SRGAP3: variants seen among roughly 807,000 people sequenced by gnomAD.
The protein encoded by SRGAP3 is SLIT-ROBO Rho GTPase activating protein 3.
Under a neutral mutation model 121.1 loss-of-function variants are expected in SRGAP3, and 39 were observed. The observed-to-expected ratio is 0.32, with a 90% CI of 0.25 to 0.42. The LOEUF (loss-of-function observed/expected upper bound fraction) is 0.42. SRGAP3 is among the 10% of genes least tolerant of loss of function. The pLI is 1.00. For missense variants in SRGAP3, 1,213 were observed against 1,470.6 expected (o/e 0.82, Z 2.86); for synonymous variants, 601 against 570.0 (o/e 1.05, Z -0.77).
intron 14 of SRGAP3, among the ~76,000 whole-genome samples, chr3:9,021,496 C>T (rs1374063480): frequency 6.6e-6 from 1 of 151,746 alleles, no homozygotes. Flanking sequence ...TTAAGATTTA[C>T]TGACGACAAC....
At chr3:9,276,592 A>T (rs893272513) in intron 3 of SRGAP3, among the ~76,000 whole-genome samples, 4 of 151,974 alleles carry the variant, frequency 2.6e-5, no homozygotes, top group African/African-American at 7.2e-5. Flanking sequence ...CACCTGGCTA[A>T]TTTTTTGTAT....
intron 1 of SRGAP3, among the ~76,000 whole-genome samples, chr3:9,343,732 A>T (rs1228251317): frequency 6.6e-6 from 1 of 152,204 alleles, no homozygotes; most frequent in Non-Finnish European, 1.5e-5. Context: ...GTGCAGACAC[A>T]CAATAATGGC....
intron 3 of SRGAP3, among the ~76,000 whole-genome samples, chr3:9,322,801 T>A (rs1292908615): frequency 6.6e-6 from 1 of 151,696 alleles, no homozygotes; most frequent in African/African-American, 2.4e-5. Flanking sequence ...AGTAAAAAAT[T>A]GTTTACATAC....
intron 1 of SRGAP3, among the ~76,000 whole-genome samples, chr3:9,356,201 T>C (rs1330756490): frequency 4.1e-5 from 6 of 144,588 alleles, no homozygotes; most frequent in South Asian, 2.2e-4. Context: ...TCTTTTTTTT[T>C]TTTTTTTTTT....
chr3:9,146,997 T>A (rs1258839542), intron 1 of SRGAP3, among the ~76,000 whole-genome samples: 3 of 152,134 alleles, frequency 2.0e-5, no homozygotes, highest in African/African-American at 7.2e-5. Context: ...ACCAGAGACG[T>A]GTGGGATGTG....
intron 3 of SRGAP3, 114 bp from the exon 4 acceptor site, chr3:9,080,201 A>C: frequency 1.1e-6 from 1 of 930,196 alleles, no homozygotes; most frequent in Non-Finnish European, 1.7e-6. Context: ...GAAGGGGTAC[A>C]GAAATCAGCA....
At chr3:9,225,295 C>T (rs1310643286) in intron 1 of SRGAP3, among the ~76,000 whole-genome samples, 1 of 152,156 alleles carries the variant, frequency 6.6e-6, no homozygotes, top group Non-Finnish European at 1.5e-5. Context: ...CCCAACACCA[C>T]CTTCTCAGGG....
chr3:9,361,628 G>A (rs897833479), intron 1 of SRGAP3, among the ~76,000 whole-genome samples: 3 of 152,036 alleles, frequency 2.0e-5, no homozygotes, highest in Non-Finnish European at 4.4e-5. Flanking sequence ...ATGGGAAGTC[G>A]GACACACCTC....
intron 3 of SRGAP3, among the ~76,000 whole-genome samples, chr3:9,260,963 T>C (rs1954241822): frequency 6.6e-6 from 1 of 152,178 alleles, no homozygotes; most frequent in African/African-American, 2.4e-5. Flanking sequence ...CCAGCTGGCA[T>C]CTGGCGGGTG....
chr3:9,289,734 G>C (rs1056214788), intron 3 of SRGAP3, among the ~76,000 whole-genome samples: 1 of 152,120 alleles, frequency 6.6e-6, no homozygotes, highest in East Asian at 1.9e-4. Context: ...GGTCCTATTA[G>C]ACCCTTACCT....
intron 1 of SRGAP3, among the ~76,000 whole-genome samples, chr3:9,185,271 C>A (rs530985203): frequency 4.1e-4 from 63 of 152,290 alleles, no homozygotes; most frequent in Non-Finnish European, 8.8e-4. Flanking sequence ...CCATGCAAGG[C>A]CTCTTCCACA....
At chr3:9,151,198 G>A (rs761909946) in intron 1 of SRGAP3, among the ~76,000 whole-genome samples, 1 of 152,212 alleles carries the variant, frequency 6.6e-6, no homozygotes, top group Non-Finnish European at 1.5e-5. Flanking sequence ...ATATCTGGCT[G>A]AGCACATCAG....
intron 18 of SRGAP3, among the ~76,000 whole-genome samples, chr3:9,004,259 T>C (rs1312434431): frequency 6.6e-6 from 1 of 152,140 alleles, no homozygotes; most frequent in African/African-American, 2.4e-5. Flanking sequence ...AAATCATTGT[T>C]GAAAAAAATT....
At position 9,201,269 on chromosome 3, in the gene SRGAP3, T is replaced by C. The variant is rs2125157616; in HGVS notation, c.67+47616A>G. Among the ~76,000 whole-genome samples the C allele has an allele frequency of 1.3e-5, 2 of 151,976 alleles. 1 individual carries two copies. The highest frequency in any genetic ancestry group is 6.8e-3 in the Middle Eastern group (2 of 294). ...GCTGGCACCCCCAGCCCCCAAGACC[T>C]CAGGTGAGGAAAAGGGACTGTAAGC... On this transcript the variant is annotated intron_variant, in intron 1 of 21. Transcript: ENST00000383836.
chr3:9,031,061 C>T (rs7647480), intron 12 of SRGAP3, among the ~76,000 whole-genome samples: 12,428 of 152,206 alleles, frequency 0.082, 796 homozygotes, highest in East Asian at 0.36. Flanking sequence ...GCCATCCTCC[C>T]ACCTCAGCCT....
chr3:9,107,153 CTTATAGCCT>C, intron 2 of SRGAP3, among the ~76,000 whole-genome samples: 1 of 152,338 alleles, frequency 6.6e-6, no homozygotes, highest in South Asian at 2.1e-4. Flanking sequence ...TTCTCCTTGG[CTTATAGCCT>C]AGAGTAAAAG....
At chr3:9,328,934 A>G (rs1490287863) in intron 2 of SRGAP3, among the ~76,000 whole-genome samples, 1 of 152,176 alleles carries the variant, frequency 6.6e-6, no homozygotes, top group Non-Finnish European at 1.5e-5. Flanking sequence ...AGACCAAGAG[A>G]AAGTACTGCC....
intron 1 of SRGAP3, among the ~76,000 whole-genome samples, chr3:9,224,861 T>C (rs1386372901): frequency 6.6e-6 from 1 of 152,028 alleles, no homozygotes; most frequent in Non-Finnish European, 1.5e-5. Flanking sequence ...CTATAGGTTG[T>C]GAAGGTCTAG....
intron 3 of SRGAP3, among the ~76,000 whole-genome samples, chr3:9,306,964 C>T (rs1027491742): frequency 1.3e-5 from 2 of 152,080 alleles, no homozygotes; most frequent in South Asian, 2.1e-4. Context: ...GCTCTTTACA[C>T]ACTTGTATGA....
Sources: gnomAD v4.1 joint callset for allele counts (sites outside exome capture counted in the v4.1 genomes callset) on GRCh38, gnomAD v4.1.1 for gene constraint, MANE v1.5 for transcripts, NCBI Gene and HGNC (gene_info 2026-07-23, HGNC 2026-07-21) for gene names.